PCDHA1: variants seen among roughly 807,000 people sequenced by gnomAD.
PCDHA1 encodes the protein protocadherin alpha-1.
A neutral mutation model predicts 61.3 loss-of-function variants in PCDHA1; 42 were observed. The observed-to-expected ratio is 0.69, with a 90% confidence interval of 0.54 to 0.89. The LOEUF (loss-of-function observed/expected upper bound fraction) is 0.89, where lower values mean the gene tolerates loss of function less well. PCDHA1 is among the 40% of genes least tolerant of loss of function. PCDHA1 has a pLI of 0.00. For synonymous variants in PCDHA1, 610 were observed against 553.8 expected (o/e 1.10, Z -1.43); for missense variants, 1,256 against 1,235.3 (o/e 1.02, Z -0.25).
rs1246867400 is a variant in PCDHA1, at chr5:140,885,558, AATTG to A, written c.2395-93386_2395-93383del. Among the ~76,000 whole-genome samples, 8 of 152,258 alleles carry A rather than the reference AATTG, an allele frequency of 5.3e-5. No individual in the cohort carries two copies. The South Asian group carries it at 1.0e-3, about 20-fold the overall frequency. On this transcript the variant is annotated intron_variant, in intron 1 of 3. Coordinates refer to ENST00000504120, the MANE Select transcript of PCDHA1 (RefSeq NM_018900.4). Reference sequence around the variant, plus strand: ...CAAAATATTGGTGTTATTTCTACGAAATTGATTGTCAGATGTGGAATTGATGCAT... The same window carrying A: ...CAAAATATTGGTGTTATTTCTACGAAATTGTCAGATGTGGAATTGATGCAT...
intron 1 of PCDHA1, chr5:140,850,690 G>A: frequency 6.3e-7 from 1 of 1,598,402 alleles, no homozygotes; most frequent in Non-Finnish European, 8.6e-7. Context: ...GAGGGCGAGT[G>A]CGCGCCTGGC....
At position 140,969,258 on chromosome 5, in the gene PCDHA1, A is replaced by T. The variant is rs782513796; in HGVS notation, c.2395-9691A>T. ...CAAGCAGCAGTGACTGACAGCAGGA[A>T]TCTCACAGGCCAAAGTGGTCAGAAT... On this transcript the variant is annotated intron_variant, in intron 1 of 3. Transcript: ENST00000504120. The T allele has an allele frequency of 3.7e-6, 6 of 1,614,106 alleles. No homozygotes were observed. The East Asian group carries it at 1.3e-4, about 36-fold the overall frequency.
At position 141,010,104 on chromosome 5, in the gene PCDHA1, T is replaced by G; in HGVS notation, c.*167T>G. ...TGTCTAGAACGCATTTAACAGGTTTTGTCGTAAAAGCTTTACTAAGTCTGG... is the reference window on the plus strand; with the variant it reads ...TGTCTAGAACGCATTTAACAGGTTTGGTCGTAAAAGCTTTACTAAGTCTGG... On this transcript the variant is annotated 3_prime_UTR_variant, in exon 4 of 4. Coordinates refer to ENST00000504120, the MANE Select transcript of PCDHA1 (RefSeq NM_018900.4). 1 of 1,612,408 alleles carries G rather than the reference T, an allele frequency of 6.2e-7. No individual in the cohort carries two copies. Among genetic ancestry groups the G allele is most frequent in the Non-Finnish European group, 8.5e-7 (1 of 1,179,092 alleles).
intron 1 of PCDHA1, chr5:140,804,899 T>G: frequency 1.3e-6 from 1 of 770,384 alleles, no homozygotes; most frequent in Non-Finnish European, 1.9e-6. Context: ...TCCCCTCACT[T>G]CCATTTTCTT....
rs552289184 is a variant in PCDHA1, at chr5:140,942,884, T to C, written c.2395-36065T>C. 7.9e-5 allele frequency among the ~76,000 whole-genome samples: 12 copies of C among 152,178 alleles called. No individual in the cohort carries two copies. In the East Asian group the frequency reaches 2.3e-3, roughly 29 times the overall value. ...TGCTTTAGCATGACAACTTTTTTCC[T>C]AAAATTTATCTCTAAGAATAAGCGT... On this transcript the variant is annotated intron_variant, in intron 1 of 3. Transcript: ENST00000504120.
At chr5:140,876,668 C>T (rs2056489032) in intron 1 of PCDHA1, 1 of 1,614,198 alleles carries the variant, frequency 6.2e-7, no homozygotes, top group Non-Finnish European at 8.5e-7. Flanking sequence ...AAGCTGGTGT[C>T]CACCTACAAG....
chr5:140,804,691 C>T (rs1763441915), intron 1 of PCDHA1: 1 of 163,914 alleles, frequency 6.1e-6, no homozygotes, highest in Non-Finnish European at 1.3e-5. Flanking sequence ...TAACCAGAAC[C>T]AAATGAAATT....
At chr5:140,835,666 G>A in intron 1 of PCDHA1, 3 of 1,613,936 alleles carry the variant, frequency 1.9e-6, no homozygotes, top group Middle Eastern at 3.3e-4. Flanking sequence ...GTTACCGCGC[G>A]GGACGGGGGC....
At chr5:140,856,185 G>T (rs1554148335) in intron 1 of PCDHA1, 1 of 1,598,044 alleles carries the variant, frequency 6.3e-7, no homozygotes, top group Non-Finnish European at 8.6e-7. Context: ...TTCGTGGGCC[G>T]CATCGCGCAG....
intron 1 of PCDHA1, chr5:140,855,842 A>G (rs1384044109): frequency 2.0e-5 from 13 of 639,106 alleles, no homozygotes; most frequent in Non-Finnish European, 3.4e-5. Flanking sequence ...ACTTACACCT[A>G]AAGCCACCGG....
intron 1 of PCDHA1, chr5:140,822,708 C>G (rs2150118735): frequency 6.2e-7 from 1 of 1,610,702 alleles, no homozygotes; most frequent in South Asian, 1.1e-5. Context: ...ATTATGAAGA[C>G]TATAACTCAT....
At chr5:140,925,286 A>G (rs545624226) in intron 1 of PCDHA1, among the ~76,000 whole-genome samples, 9 of 152,288 alleles carry the variant, frequency 5.9e-5, no homozygotes, top group African/African-American at 2.2e-4. Context: ...TTGCCTTTCA[A>G]ATGTTTCATT....
chr5:140,869,508 C>G, intron 1 of PCDHA1: 1 of 1,614,196 alleles, frequency 6.2e-7, no homozygotes. Context: ...TGTTCTCGCT[C>G]AGAGAACAAA....
rs529079699 is a variant in PCDHA1, at chr5:140,984,687, T to C, written c.2542+2124T>C. ...TTAGGTTTTTAGGACTCAATATATGTTCTGCACTGCTTGGAGGGAATATGG... is the reference window on the plus strand; with the variant it reads ...TTAGGTTTTTAGGACTCAATATATGCTCTGCACTGCTTGGAGGGAATATGG... On this transcript the variant is annotated intron_variant, in intron 3 of 3. Transcript: ENST00000504120. Among the ~76,000 whole-genome samples the C allele has an allele frequency of 2.0e-5, 3 of 152,332 alleles. No individual in the cohort carries two copies. The East Asian group carries it at 5.8e-4, about 29-fold the overall frequency.
chr5:140,981,489 G>A (rs1554242906), intron 2 of PCDHA1, among the ~76,000 whole-genome samples: 1 of 152,194 alleles, frequency 6.6e-6, no homozygotes, highest in Non-Finnish European at 1.5e-5. Flanking sequence ...CAGGAGAATT[G>A]CTTGAACCTG....
At position 141,010,207 on chromosome 5, in the gene PCDHA1, A is replaced by C; in HGVS notation, c.*270A>C. The C allele has an allele frequency of 6.4e-7, 1 of 1,551,870 alleles. No homozygotes were observed. ...CCAAGTTTCCTTTCTCCTCCGCCGC[A>C]AAGGAGAGGCTTCCCAGCCCCGCCA... On this transcript the variant is annotated 3_prime_UTR_variant, in exon 4 of 4. Transcript: ENST00000504120.
intron 1 of PCDHA1, among the ~76,000 whole-genome samples, chr5:140,880,565 A>T (rs1554171321): frequency 6.6e-6 from 1 of 152,206 alleles, no homozygotes; most frequent in Non-Finnish European, 1.5e-5. Flanking sequence ...TGAGGTTGAG[A>T]ATTTGAGAAG....
At chr5:140,935,232 A>G (rs2090253350) in intron 1 of PCDHA1, among the ~76,000 whole-genome samples, 1 of 152,110 alleles carries the variant, frequency 6.6e-6, no homozygotes, top group African/African-American at 2.4e-5. Context: ...AGGGATGTCT[A>G]TTTTTTAAAA....
At chr5:140,882,950 C>A in intron 1 of PCDHA1, 1 of 1,614,216 alleles carries the variant, frequency 6.2e-7, no homozygotes, top group Non-Finnish European at 8.5e-7. Context: ...CACAGTTCAG[C>A]TGCTCATCAC....
Sources: gnomAD v4.1 joint callset for allele counts (sites outside exome capture counted in the v4.1 genomes callset) on GRCh38, gnomAD v4.1.1 for gene constraint, MANE v1.5 for transcripts, NCBI Gene and HGNC (gene_info 2026-07-23, HGNC 2026-07-21) for gene names.